Variants in ADAMTS17 observed in about 807,000 individuals in gnomAD.
The protein encoded by ADAMTS17 is ADAM metallopeptidase with thrombospondin type 1 motif 17.
In ADAMTS17, 113 loss-of-function variants were observed where a neutral mutation model predicts 141.5. The ratio of observed to expected loss-of-function variants is 0.80; its 90% CI spans 0.69 to 0.93. The LOEUF is 0.93. Ranked by LOEUF, ADAMTS17 falls within the 40% of genes least tolerant of loss-of-function variation. The pLI, the probability that ADAMTS17 is intolerant of heterozygous loss-of-function variation, is 0.00. For synonymous variants in ADAMTS17, 768 were observed against 630.6 expected, an observed-to-expected ratio of 1.22 and a Z score of -3.27; for missense variants, 1,659 against 1,517.9, an observed-to-expected ratio of 1.09 and a Z score of -1.54.
intron 10 of ADAMTS17, among the ~76,000 whole-genome samples, chr15:100,148,585 G>C (rs750441923): frequency 5.9e-5 from 9 of 151,776 alleles, no homozygotes; most frequent in Non-Finnish European, 1.3e-4. Context: ...CTTCTAATGA[G>C]AGGTGTACTG....
chr15:100,200,152 T>A (rs111433972), intron 7 of ADAMTS17, among the ~76,000 whole-genome samples: 3,062 of 152,152 alleles, frequency 0.02, 111 homozygotes, highest in African/African-American at 0.069. Context: ...CACCTAAGGA[T>A]CTCACCCTAA....
At chr15:100,334,236 A>G (rs1464355587) in intron 2 of ADAMTS17, among the ~76,000 whole-genome samples, 1 of 152,224 alleles carries the variant, frequency 6.6e-6, no homozygotes, top group African/African-American at 2.4e-5. Context: ...ACGTTAGCAC[A>G]TGTTCTCGGC....
At chr15:100,258,406 G>C (rs2043400210) in intron 6 of ADAMTS17, among the ~76,000 whole-genome samples, 1 of 152,088 alleles carries the variant, frequency 6.6e-6, no homozygotes, top group Non-Finnish European at 1.5e-5. Flanking sequence ...TTGCGTATTA[G>C]TCCATTTTCA....
At chr15:100,021,860 C>T (rs2061412547) in intron 18 of ADAMTS17, among the ~76,000 whole-genome samples, 1 of 152,070 alleles carries the variant, frequency 6.6e-6, no homozygotes, top group Non-Finnish European at 1.5e-5. Flanking sequence ...GGTCCCTCTG[C>T]CTGCACGCCC....
intron 15 of ADAMTS17, among the ~76,000 whole-genome samples, chr15:100,073,725 G>T (rs1199016099): frequency 7.1e-6 from 1 of 140,390 alleles, no homozygotes; most frequent in Admixed American, 7.7e-5. Context: ...AGAACACATG[G>T]ATACAGGAAG....
chr15:100,019,927 G>C (rs1357106435), intron 18 of ADAMTS17, among the ~76,000 whole-genome samples: 1 of 151,898 alleles, frequency 6.6e-6, no homozygotes, highest in Non-Finnish European at 1.5e-5. Context: ...TCTTTGTTTT[G>C]ATCACCAAAT....
chr15:100,027,414 A>G (rs1356894978), intron 18 of ADAMTS17, among the ~76,000 whole-genome samples: 2 of 152,256 alleles, frequency 1.3e-5, no homozygotes, highest in Non-Finnish European at 2.9e-5. Flanking sequence ...GCTCACCATC[A>G]GCCCTTTTAC....
At position 100,303,151 on chromosome 15, in the gene ADAMTS17, CTATA is replaced by C. The variant is rs538559439; in HGVS notation, c.617-21754_617-21751del. On this transcript the variant is annotated intron_variant, in intron 3 of 21. Transcript: ENST00000268070. ...ATATATATTTATATTTATATATAAA[CTATA>C]TATAAAAATATAAAAATTTATATAT... Among the ~76,000 whole-genome samples the C allele has an allele frequency of 4.3e-3, 622 of 144,980 alleles. 3 individuals are homozygous for C. The highest frequency in any genetic ancestry group is 0.014 in the African/African-American group (577 of 39,814).
At chr15:100,087,798 C>G (rs1055848388) in intron 15 of ADAMTS17, among the ~76,000 whole-genome samples, 1 of 152,290 alleles carries the variant, frequency 6.6e-6, no homozygotes, top group Admixed American at 6.5e-5. Context: ...ATGCTTCTTG[C>G]TAAAAACTCT....
intron 18 of ADAMTS17, among the ~76,000 whole-genome samples, chr15:100,001,753 C>G (rs911193646): frequency 6.6e-6 from 1 of 151,892 alleles, no homozygotes; most frequent in South Asian, 2.1e-4. Context: ...GGTGGATCTC[C>G]TGAGGTTAGG....
chr15:100,304,572 G>C (rs2045156996), intron 3 of ADAMTS17, among the ~76,000 whole-genome samples: 1 of 152,218 alleles, frequency 6.6e-6, no homozygotes, highest in Non-Finnish European at 1.5e-5. Context: ...GGGATTACTG[G>C]ATTGGATTTC....
chr15:100,184,986 C>G (rs953797885), intron 8 of ADAMTS17, among the ~76,000 whole-genome samples: 11 of 152,226 alleles, frequency 7.2e-5, no homozygotes, highest in African/African-American at 2.4e-4. Flanking sequence ...AGACATGCTC[C>G]TCAGTGACCA....
chr15:100,263,095 GA>G (rs2043588295), intron 4 of ADAMTS17, among the ~76,000 whole-genome samples: 1 of 152,138 alleles, frequency 6.6e-6, no homozygotes, highest in African/African-American at 2.4e-5. Context: ...AGGTGGTTTT[GA>G]AAAAAAGAAG....
At chr15:100,186,772 C>T (rs1253433657) in intron 8 of ADAMTS17, among the ~76,000 whole-genome samples, 1 of 152,208 alleles carries the variant, frequency 6.6e-6, no homozygotes, top group Non-Finnish European at 1.5e-5. Context: ...ATTTTCCATC[C>T]CCTATCTCTG....
chr15:100,232,163 C>G (rs568556212), intron 7 of ADAMTS17, among the ~76,000 whole-genome samples: 48 of 152,336 alleles, frequency 3.2e-4, no homozygotes, highest in African/African-American at 1.2e-3. Context: ...GATACCTGGC[C>G]AGAGGCAGCT....
chr15:100,059,283 C>T (rs1267715232), intron 15 of ADAMTS17, among the ~76,000 whole-genome samples: 2 of 152,246 alleles, frequency 1.3e-5, no homozygotes, highest in Non-Finnish European at 2.9e-5. Flanking sequence ...TGCCTGTGGC[C>T]ATCGCCGCAG....
chr15:100,208,825 T>C (rs536341688), intron 7 of ADAMTS17, among the ~76,000 whole-genome samples: 25 of 152,302 alleles, frequency 1.6e-4, no homozygotes, highest in African/African-American at 6.0e-4. Flanking sequence ...GATAAGGGTA[T>C]GTCTTTGGTA....
At chr15:100,279,865 G>C (rs2044224711) in intron 4 of ADAMTS17, among the ~76,000 whole-genome samples, 1 of 152,160 alleles carries the variant, frequency 6.6e-6, no homozygotes, top group Admixed American at 6.5e-5. Context: ...TCACTTTTCA[G>C]TTTGTCCTCA....
Position 100,295,129 on chromosome 15 carries a change from A to AT in ADAMTS17, c.617-13729dup, listed in dbSNP as rs1388355919. On this transcript the variant is annotated intron_variant, in intron 3 of 21. Transcript: ENST00000268070. Reference sequence around the variant, plus strand: ...TGTGTCATTGACCTTCTTAAAAAGCATGGGATATAATCAAAATATCTTCAG... The same window carrying AT: ...TGTGTCATTGACCTTCTTAAAAAGCATTGGGATATAATCAAAATATCTTCAG... 9.9e-5 allele frequency among the ~76,000 whole-genome samples: 15 copies of AT among 152,198 alleles called. No homozygotes were observed. The South Asian group carries it at 2.5e-3, about 25-fold the overall frequency.
Sources: allele counts gnomAD v4.1 joint callset (sites outside exome capture counted in the v4.1 genomes callset), GRCh38; gene constraint gnomAD v4.1.1; transcripts MANE v1.5; gene names NCBI Gene and HGNC (gene_info 2026-07-23, HGNC 2026-07-21).